Variants in EXOC2 observed in about 807,000 individuals in gnomAD.
EXOC2 encodes SEC5-like 1.
A neutral mutation model predicts 131.8 loss-of-function variants in EXOC2; 70 were observed. That is an observed-to-expected ratio of 0.53 (90% confidence interval 0.44 to 0.65). EXOC2 has a LOEUF of 0.65. Ranked by LOEUF, EXOC2 falls within the 30% of genes least tolerant of loss-of-function variation. EXOC2 has a pLI of 0.00. For synonymous variants in EXOC2, 411 were observed against 398.4 expected (o/e 1.03, Z -0.38); for missense variants, 923 against 1,108.6 (o/e 0.83, Z 2.38).
intron 23 of EXOC2, among the ~76,000 whole-genome samples, chr6:529,122 C>CT (rs1033380851): frequency 1.3e-5 from 2 of 151,852 alleles, no homozygotes; most frequent in Admixed American, 6.6e-5. Flanking sequence ...TTTTACCCCC[C>CT]CCCGCGCCCT....
intron 13 of EXOC2, among the ~76,000 whole-genome samples, chr6:567,673 G>C (rs928920368): frequency 3.9e-5 from 6 of 152,102 alleles, no homozygotes; most frequent in African/African-American, 1.4e-4. Flanking sequence ...GATGTGTTGT[G>C]TGTCTGTTGT....
Position 489,034 on chromosome 6 carries a change from T to C in EXOC2, c.2626A>G (p.Ser876Gly). The change falls in exon 27 of 28, where the codon AGT (serine) becomes GGT (glycine). Residue 876 changes from serine to glycine, a missense_variant. By Grantham distance (56) the Ser-to-Gly change is moderately conservative. Coordinates refer to ENST00000230449, the MANE Select transcript of EXOC2 (RefSeq NM_018303.6). ...AVYLTPESKS[S>G]FKQALEALPQ... ...AGGGCTTCCAAAGCCTGCTTAAAACTTGACCTGAAACACAAACAGCCACAC... is the reference window on the plus strand; with the variant it reads ...AGGGCTTCCAAAGCCTGCTTAAAACCTGACCTGAAACACAAACAGCCACAC... 6.2e-7 allele frequency: 1 copy of C among 1,613,924 alleles called. No individual in the cohort carries two copies. Among genetic ancestry groups the C allele is most frequent in the Non-Finnish European group, 8.5e-7 (1 of 1,179,880 alleles).
intron 1 of EXOC2, among the ~76,000 whole-genome samples, chr6:684,155 C>G (rs1001760033): frequency 2.0e-5 from 3 of 152,084 alleles, no homozygotes; most frequent in African/African-American, 7.2e-5. Flanking sequence ...TCTGCAGCAG[C>G]CCAGAGAGGG....
At chr6:558,462 A>G (rs1757534549) in intron 17 of EXOC2, among the ~76,000 whole-genome samples, 1 of 152,216 alleles carries the variant, frequency 6.6e-6, no homozygotes, top group South Asian at 2.1e-4. Flanking sequence ...TGTTACAATG[A>G]TAATTATTAC....
chr6:534,722 T>G (rs1384555761), intron 22 of EXOC2, among the ~76,000 whole-genome samples: 1 of 152,202 alleles, frequency 6.6e-6, no homozygotes, highest in Non-Finnish European at 1.5e-5. Flanking sequence ...GGCTCTAACC[T>G]AAAATCAAAC....
chr6:679,437 T>C (rs1764299147), intron 1 of EXOC2: 1 of 152,196 alleles, frequency 6.6e-6, no homozygotes, highest in Non-Finnish European at 1.5e-5. Context: ...TAAGATGATC[T>C]CGAAGGCTCA....
intron 13 of EXOC2, among the ~76,000 whole-genome samples, chr6:569,128 T>C (rs1456889421): frequency 6.6e-6 from 1 of 152,256 alleles, no homozygotes; most frequent in African/African-American, 2.4e-5. Flanking sequence ...TATATATTAT[T>C]GAGTTATGTA....
rs537690131 is a variant in EXOC2, at chr6:589,872, C to T, written c.1192+2597G>A. Among the ~76,000 whole-genome samples the T allele has an allele frequency of 1.2e-3, 184 of 152,194 alleles. 2 individuals are homozygous for T. The highest frequency in any genetic ancestry group is 4.1e-3 in the African/African-American group (171 of 41,548). On this transcript the variant is annotated intron_variant, in intron 11 of 27. Transcript: ENST00000230449. ...CTGTAATCCCAGCACTTTGGGAGGC[C>T]GAGGCGGGTGGATCACGAGGTCAGG... is the stretch of plus-strand genomic sequence containing the variant.
chr6:525,131 T>G (rs546265511), intron 23 of EXOC2: 2 of 152,376 alleles, frequency 1.3e-5, no homozygotes, highest in East Asian at 3.9e-4. Flanking sequence ...CCTCTATTAC[T>G]GAAACCAAAA....
chr6:546,419 C>T (rs922965346), intron 22 of EXOC2, among the ~76,000 whole-genome samples: 1 of 152,206 alleles, frequency 6.6e-6, no homozygotes, highest in South Asian at 2.1e-4. Flanking sequence ...AATTATCATT[C>T]AATGTGGTTT....
chr6:639,223 T>G (rs969035940), intron 1 of EXOC2, among the ~76,000 whole-genome samples: 13 of 152,028 alleles, frequency 8.6e-5, no homozygotes, highest in African/African-American at 2.9e-4. Context: ...GGATTTGGGG[T>G]AAACCTGTGC....
At chr6:602,781 A>G (rs1000707739) in intron 7 of EXOC2, among the ~76,000 whole-genome samples, 1 of 152,178 alleles carries the variant, frequency 6.6e-6, no homozygotes, top group Admixed American at 6.5e-5. Flanking sequence ...TGATGTAAAC[A>G]CAGCGTGGTT....
intron 6 of EXOC2, among the ~76,000 whole-genome samples, chr6:610,940 T>A (rs75552313): frequency 0.015 from 2,216 of 152,284 alleles, 35 homozygotes; most frequent in African/African-American, 0.038. Flanking sequence ...GCTACTGCAG[T>A]TGAATTGTCT....
intron 1 of EXOC2, among the ~76,000 whole-genome samples, chr6:644,699 A>C (rs961707755): frequency 2.6e-5 from 4 of 152,184 alleles, no homozygotes; most frequent in Non-Finnish European, 5.9e-5. Context: ...TACATATTTT[A>C]GTAGGAAATG....
Position 549,191 on chromosome 6 carries a change from A to C in EXOC2, c.2222T>G (p.Ile741Arg), listed in dbSNP as rs1757016949. ...CTCGCTTACCTGTGTGATTTTTTCT[A>C]TTCCCTGGAAGTTGTGCTTTTCAAA... Reference protein sequence around the residue: ...EHFEKHNFQGIEKITQVSMAS... With the variant: ...EHFEKHNFQGREKITQVSMAS... Residue 741 changes from isoleucine to arginine, a missense_variant, in exon 22 of 28, where the codon ATA becomes AGA. Physicochemically the swap from Ile to Arg is moderately conservative, Grantham distance 97 (BLOSUM62 -3). Transcript: ENST00000230449. 6.2e-7 allele frequency: 1 copy of C among 1,614,004 alleles called. No homozygotes were observed. Among genetic ancestry groups the C allele is most frequent in the African/African-American group, 1.3e-5 (1 of 75,036 alleles).
At chr6:566,793 C>T (rs1270085528) in intron 13 of EXOC2, among the ~76,000 whole-genome samples, 1 of 152,168 alleles carries the variant, frequency 6.6e-6, no homozygotes, top group Non-Finnish European at 1.5e-5. Context: ...CAAATATCTC[C>T]TCTGTGACCC....
chr6:542,518 G>C (rs1274321604), intron 22 of EXOC2, among the ~76,000 whole-genome samples: 1 of 152,164 alleles, frequency 6.6e-6, no homozygotes, highest in African/African-American at 2.4e-5. Flanking sequence ...TCAAGATTTT[G>C]TGAAGTCCGG....
chr6:690,551 A>G (rs1469252031), intron 1 of EXOC2, among the ~76,000 whole-genome samples: 2 of 151,664 alleles, frequency 1.3e-5, no homozygotes, highest in South Asian at 4.2e-4. Flanking sequence ...AAAATACAAA[A>G]AGTTAGTCGG....
intron 24 of EXOC2, among the ~76,000 whole-genome samples, chr6:498,460 A>AT (rs1389285202): frequency 4.6e-5 from 7 of 152,200 alleles, no homozygotes; most frequent in Non-Finnish European, 8.8e-5. Flanking sequence ...GAATTTTTAT[A>AT]TTTTTTATAA....
Sources: gnomAD v4.1 joint callset for allele counts (sites outside exome capture counted in the v4.1 genomes callset) on GRCh38, gnomAD v4.1.1 for gene constraint, MANE v1.5 for transcripts, NCBI Gene and HGNC (gene_info 2026-07-23, HGNC 2026-07-21) for gene names.